BMP1: variants seen among roughly 807,000 people sequenced by gnomAD.
BMP1 encodes bone morphogenetic protein 1.
BMP1 carries 63 observed loss-of-function variants against 116.8 expected under a neutral mutation model. That is an observed-to-expected ratio of 0.54 (90% CI 0.44 to 0.67). The LOEUF is 0.67. Ranked by LOEUF, BMP1 falls within the 30% of genes least tolerant of loss-of-function variation. BMP1 has a pLI of 0.00. For missense variants in BMP1, 1,183 were observed against 1,358.9 expected (o/e 0.87, Z 2.04); for synonymous variants, 536 against 533.4 (o/e 1.00, Z -0.07).
intron 16 of BMP1, 86 bp downstream of exon 16, chr8:22,202,014 G>A (rs535051863): frequency 4.0e-6 from 6 of 1,504,016 alleles, no homozygotes; most frequent in African/African-American, 2.8e-5. Context: ...ATCAGCCTCC[G>A]TTTAGATTCT....
In BMP1 at chr8:22,187,052, T is replaced by C. The variant is rs986620583; in HGVS notation, c.1078-4997T>C. Among the ~76,000 whole-genome samples, 21 of 152,242 alleles carry C rather than the reference T, an allele frequency of 1.4e-4. No individual in the cohort carries two copies. In the South Asian group the frequency reaches 3.9e-3, roughly 29 times the overall value. ...CAGAGTCTTACTCTGTTGCCCAGGC[T>C]GGAGTGCAGCTCACTGCAACCTCTG... On this transcript the variant is annotated intron_variant, in intron 8 of 19. Coordinates refer to ENST00000306385, the MANE Select transcript of BMP1 (RefSeq NM_006129.5).
At chr8:22,209,990 G>A (rs529695601) in intron 19 of BMP1, among the ~76,000 whole-genome samples, 1 of 152,390 alleles carries the variant, frequency 6.6e-6, no homozygotes, top group African/African-American at 2.4e-5. Context: ...AGCGGATGGA[G>A]CTTCCTCTGT....
intron 13 of BMP1, chr8:22,196,187 A>C (rs780280595): frequency 7.7e-6 from 4 of 522,198 alleles, no homozygotes; most frequent in Non-Finnish European, 1.5e-5. Context: ...CCAGGGTGTT[A>C]TGATCTACAG....
At chr8:22,202,081 C>G (rs1017932920) in intron 16 of BMP1, among the ~76,000 whole-genome samples, 153 bp downstream of exon 16, 2 of 152,252 alleles carry the variant, frequency 1.3e-5, no homozygotes, top group African/African-American at 2.4e-5. Context: ...GTACATAGAT[C>G]CTCCTCCCGC....
At chr8:22,172,806 G>A (rs1385858772) in intron 1 of BMP1, among the ~76,000 whole-genome samples, 3 of 151,370 alleles carry the variant, frequency 2.0e-5, no homozygotes, top group Non-Finnish European at 2.9e-5. Context: ...TTATAGAGAC[G>A]GGGTTTCACC....
At chr8:22,199,449 T>G (rs1275267329) in intron 15 of BMP1, 1 of 1,125,434 alleles carries the variant, frequency 8.9e-7, no homozygotes, top group Non-Finnish European at 1.1e-6. Context: ...CCCTGCAACC[T>G]GCTCCCCCCA....
intron 16 of BMP1, among the ~76,000 whole-genome samples, chr8:22,204,534 G>A (rs1829317622): frequency 6.6e-6 from 1 of 152,140 alleles, no homozygotes; most frequent in Non-Finnish European, 1.5e-5. Context: ...ACCAGCCTGG[G>A]CAACATGGCA....
intron 2 of BMP1, 59 bp downstream of exon 2, chr8:22,173,774 A>T: frequency 7.1e-7 from 1 of 1,401,536 alleles, no homozygotes; most frequent in South Asian, 1.3e-5. Context: ...GCTTAGGGAA[A>T]CAAGGAATCT....
intron 8 of BMP1, among the ~76,000 whole-genome samples, chr8:22,187,341 A>T (rs1828802900): frequency 6.9e-6 from 1 of 145,730 alleles, no homozygotes; most frequent in Non-Finnish European, 1.5e-5. Context: ...TTATTTATTT[A>T]TTTATTTTGA....
chr8:22,184,762 T>C (rs1828718948), intron 8 of BMP1, among the ~76,000 whole-genome samples: 1 of 152,204 alleles, frequency 6.6e-6, no homozygotes, highest in African/African-American at 2.4e-5. Context: ...AGCGCTTGAG[T>C]AAATCTACCC....
chr8:22,174,590 A>AGGGCAG (rs957593808), intron 2 of BMP1, among the ~76,000 whole-genome samples: 2 of 150,100 alleles, frequency 1.3e-5, no homozygotes, highest in African/African-American at 2.5e-5. Flanking sequence ...CCCTTCCCAA[A>AGGGCAG]GGGCAGGGGC....
intron 8 of BMP1, among the ~76,000 whole-genome samples, chr8:22,187,477 C>T (rs530824178): frequency 1.3e-5 from 2 of 150,416 alleles, no homozygotes; most frequent in African/African-American, 4.9e-5. Flanking sequence ...ACTACAGGAG[C>T]CCGCCACCAC....
At position 22,194,662 on chromosome 8, in the gene BMP1, G is replaced by A; in HGVS notation, c.1444-62G>A. 3 of 1,596,830 alleles carry A rather than the reference G, an allele frequency of 1.9e-6. No individual in the cohort carries two copies. The highest frequency in any genetic ancestry group is 1.1e-5 in the South Asian group (1 of 88,708). On this transcript the variant is annotated intron_variant, in intron 11 of 19. Coordinates refer to ENST00000306385, the MANE Select transcript of BMP1 (RefSeq NM_006129.5). This position sits in a 1 kb window ranked among gnomAD's most constrained non-coding sequence, Gnocchi z 4.5. ...CCCTGGGACAGCTGCCTCTCTTTGG[G>A]CTCCCAGGGGTGGGTCTCTGGCAGC...
chr8:22,184,256 T>G (rs968970155), intron 8 of BMP1, among the ~76,000 whole-genome samples: 2 of 152,172 alleles, frequency 1.3e-5, no homozygotes, highest in Non-Finnish European at 2.9e-5. Context: ...GGTATGGCAT[T>G]GGGCTAGGAT....
chr8:22,191,737 T>C (rs1045098829), intron 8 of BMP1, among the ~76,000 whole-genome samples: 1 of 152,244 alleles, frequency 6.6e-6, no homozygotes, highest in Admixed American at 6.5e-5. Flanking sequence ...TTCCTACCAC[T>C]GTAGAGACCA....
intron 8 of BMP1, among the ~76,000 whole-genome samples, chr8:22,190,776 C>T (rs1235266952): frequency 7.2e-5 from 11 of 152,182 alleles, no homozygotes; most frequent in Admixed American, 6.5e-4. Context: ...TCTTTTTCAT[C>T]CTGGCCTCCA....
Position 22,201,946 on chromosome 8 carries a change from G to C in BMP1, c.2233+18G>C, listed in dbSNP as rs1287201874. 1 of 1,602,044 alleles carries C rather than the reference G, an allele frequency of 6.2e-7. No individual in the cohort carries two copies. Among genetic ancestry groups the C allele is most frequent in the Admixed American group, 1.7e-5 (1 of 59,210 alleles). ...CAAAGAAGGTACGGGCTGCATGCCAGGGGCATCTGGGCTTGAAGGACCTGC... is the reference window on the plus strand; with the variant it reads ...CAAAGAAGGTACGGGCTGCATGCCACGGGCATCTGGGCTTGAAGGACCTGC... On this transcript the variant is annotated intron_variant, in intron 16 of 19. Transcript: ENST00000306385.
intron 8 of BMP1, among the ~76,000 whole-genome samples, chr8:22,184,870 C>T (rs928582207): frequency 6.6e-6 from 1 of 152,308 alleles, no homozygotes; most frequent in Non-Finnish European, 1.5e-5. Context: ...GAAATAATGC[C>T]GCCTGCTTTA....
intron 1 of BMP1, among the ~76,000 whole-genome samples, chr8:22,167,728 C>T (rs1046823666): frequency 2.6e-5 from 4 of 152,266 alleles, no homozygotes; most frequent in Non-Finnish European, 2.9e-5. Flanking sequence ...GCTGAGAGGG[C>T]CCCCGGGCCT....
Sources: allele counts gnomAD v4.1 joint callset (sites outside exome capture counted in the v4.1 genomes callset), GRCh38; gene constraint gnomAD v4.1.1; non-coding constraint Gnocchi (gnomAD v3.1); transcripts MANE v1.5; gene names NCBI Gene and HGNC (gene_info 2026-07-23, HGNC 2026-07-21).